DLGAP2: variants seen among roughly 807,000 people sequenced by gnomAD.
DLGAP2 encodes the protein DLG associated protein 2, also known as disks large-associated protein 2.
A neutral mutation model predicts 100.3 loss-of-function variants in DLGAP2; 26 were observed. The observed-to-expected ratio is 0.26, with a 90% CI of 0.19 to 0.36. The LOEUF (loss-of-function observed/expected upper bound fraction) is 0.36. Ranked by LOEUF, DLGAP2 falls within the 10% of genes least tolerant of loss-of-function variation. DLGAP2 has a pLI of 1.00. For missense variants in DLGAP2, 1,858 were observed against 1,453.2 expected (o/e 1.28, Z -4.53); for synonymous variants, 886 against 630.1 (o/e 1.41, Z -6.08).
chr8:1,529,949 G>C (rs1447854299), intron 4 of DLGAP2, among the ~76,000 whole-genome samples: 1 of 152,178 alleles, frequency 6.6e-6, no homozygotes, highest in African/African-American at 2.4e-5. Flanking sequence ...GTGGGTCACA[G>C]ACATCAAGTA....
At chr8:1,041,305 C>T (rs572573090) in intron 2 of DLGAP2, among the ~76,000 whole-genome samples, 21 of 152,220 alleles carry the variant, frequency 1.4e-4, no homozygotes, top group African/African-American at 4.6e-4. Context: ...GCGTGGAGAT[C>T]GCCCCTCGCA....
Position 816,065 on chromosome 8 carries a change from T to G in DLGAP2, c.18+78240T>G, listed in dbSNP as rs1796470949. Among the ~76,000 whole-genome samples, 5 of 152,200 alleles carry G rather than the reference T, an allele frequency of 3.3e-5. No homozygotes were observed. In the South Asian group the frequency reaches 1.0e-3, roughly 31 times the overall value. The stretch of plus-strand genomic sequence containing the variant: ...TTTGATGTCCATTTGCATGGAGTAT[T>G]TCTTCCACCCCTTTATTTTAAGTTT... On this transcript the variant is annotated intron_variant, in intron 1 of 14. Coordinates refer to ENST00000637795, the MANE Select transcript of DLGAP2 (RefSeq NM_001346810.2).
intron 2 of DLGAP2, among the ~76,000 whole-genome samples, chr8:1,074,806 G>T (rs1476116483): frequency 6.6e-6 from 1 of 152,180 alleles, no homozygotes; most frequent in Non-Finnish European, 1.5e-5. Flanking sequence ...ACTTGATGCA[G>T]GTCCAAGAAA....
chr8:1,541,061 T>A (rs189433352), intron 4 of DLGAP2, among the ~76,000 whole-genome samples: 29 of 152,276 alleles, frequency 1.9e-4, no homozygotes, highest in African/African-American at 6.5e-4. Flanking sequence ...CTCAAGAGCA[T>A]CAGAGTACTT....
chr8:1,537,334 G>C (rs966066905), intron 4 of DLGAP2, among the ~76,000 whole-genome samples: 5 of 152,168 alleles, frequency 3.3e-5, no homozygotes, highest in African/African-American at 1.2e-4. Flanking sequence ...GTGAGTGTGT[G>C]TTGGGGTGGA....
chr8:1,306,106 A>G (rs1254587650), intron 3 of DLGAP2, among the ~76,000 whole-genome samples: 1 of 150,932 alleles, frequency 6.6e-6, no homozygotes, highest in Non-Finnish European at 1.5e-5. Flanking sequence ...AGAGGGAGAA[A>G]AAATAGAAAA....
chr8:1,116,143 A>G (rs1205154471), intron 2 of DLGAP2, among the ~76,000 whole-genome samples: 4 of 152,314 alleles, frequency 2.6e-5, no homozygotes, highest in East Asian at 3.9e-4. Flanking sequence ...GCGGTACGCA[A>G]TCCCATCCCC....
intron 2 of DLGAP2, among the ~76,000 whole-genome samples, chr8:1,152,322 T>G (rs192370706): frequency 1.3e-5 from 2 of 152,348 alleles, no homozygotes; most frequent in Admixed American, 1.3e-4. Flanking sequence ...ATGTAAATTG[T>G]GAGGTAGTGT....
At chr8:1,632,592 C>G (rs908119002) in intron 7 of DLGAP2, among the ~76,000 whole-genome samples, 1 of 152,156 alleles carries the variant, frequency 6.6e-6, no homozygotes, top group African/African-American at 2.4e-5. Flanking sequence ...GCCTTGCGGT[C>G]CCCCAGAATT....
At chr8:1,296,809 C>T (rs571248693) in intron 3 of DLGAP2, among the ~76,000 whole-genome samples, 1 of 152,234 alleles carries the variant, frequency 6.6e-6, no homozygotes, top group Admixed American at 6.5e-5. Flanking sequence ...GGGTGCACAG[C>T]CGCACCGGAG....
In DLGAP2 at chr8:1,015,147, G is replaced by A. The variant is rs867751659; in HGVS notation, c.73+107181G>A. ...GACAGACGATGCCTCCACTGTGTGT[G>A]TGACCAGGACAGACGACGCCTCCAC... On this transcript the variant is annotated intron_variant, in intron 2 of 14. Coordinates refer to ENST00000637795, the MANE Select transcript of DLGAP2 (RefSeq NM_001346810.2). 7.3e-3 allele frequency among the ~76,000 whole-genome samples: 94 copies of A among 12,890 alleles called. 3 individuals carry two copies. The highest frequency in any genetic ancestry group is 0.018 in the East Asian group (16 of 890). The allele number at this position is 12,890 out of a possible 152,430, so 8.5% of individuals were successfully genotyped here. A position where few individuals can be genotyped will look rare whatever the true frequency, so the allele number is the denominator to read the frequency against.
intron 2 of DLGAP2, among the ~76,000 whole-genome samples, chr8:1,057,200 C>T (rs955456793): frequency 6.6e-6 from 1 of 152,198 alleles, no homozygotes; most frequent in Non-Finnish European, 1.5e-5. Context: ...AGATATGCAT[C>T]GGTTACTACA....
intron 1 of DLGAP2, among the ~76,000 whole-genome samples, chr8:801,047 G>A (rs1020035301): frequency 2.8e-5 from 4 of 141,496 alleles, no homozygotes; most frequent in African/African-American, 8.1e-5. Context: ...GAATCCTGTT[G>A]ATATTAACCT....
intron 2 of DLGAP2, among the ~76,000 whole-genome samples, chr8:909,802 A>G (rs1798449243): frequency 6.6e-6 from 1 of 152,214 alleles, no homozygotes; most frequent in Non-Finnish European, 1.5e-5. Context: ...CAGAATGGAA[A>G]GATGGGGAGA....
At chr8:839,999 G>A (rs1051620055) in intron 1 of DLGAP2, among the ~76,000 whole-genome samples, 1 of 149,434 alleles carries the variant, frequency 6.7e-6, no homozygotes, top group Non-Finnish European at 1.5e-5. Flanking sequence ...GTGCACGCCT[G>A]CACGTCTCCC....
Position 1,423,038 on chromosome 8 carries a change from T to C in DLGAP2, c.107-78328T>C, listed in dbSNP as rs557088166. The stretch of plus-strand genomic sequence containing the variant: ...ACATCAGGATACATGGTGCTCATCA[T>C]AGTGACATCAAAACAAAGGTGAAAA... On this transcript the variant is annotated intron_variant, in intron 3 of 14. Coordinates refer to ENST00000637795, the MANE Select transcript of DLGAP2 (RefSeq NM_001346810.2). Among the ~76,000 whole-genome samples the C allele has an allele frequency of 3.3e-4, 50 of 152,170 alleles. 1 individual carries two copies. Among genetic ancestry groups the C allele is most frequent in the Non-Finnish European group, 4.9e-4 (33 of 68,034 alleles).
chr8:880,615 C>T (rs924710793), intron 1 of DLGAP2, among the ~76,000 whole-genome samples: 2 of 147,184 alleles, frequency 1.4e-5, no homozygotes, highest in Non-Finnish European at 3.0e-5. Flanking sequence ...TGTGTGTCCC[C>T]TCTCCAGCCC....
chr8:997,899 C>T (rs140717703), intron 2 of DLGAP2, among the ~76,000 whole-genome samples: 2 of 149,904 alleles, frequency 1.3e-5, no homozygotes, highest in Non-Finnish European at 2.9e-5. Flanking sequence ...AACACCCATG[C>T]ACATGCATGC....
chr8:882,736 C>G (rs1283858137), intron 1 of DLGAP2, among the ~76,000 whole-genome samples: 1 of 150,636 alleles, frequency 6.6e-6, no homozygotes, highest in Non-Finnish European at 1.5e-5. Flanking sequence ...TGCGCGCACC[C>G]TCGCCTGATC....
Sources: gnomAD v4.1 joint callset for allele counts (sites outside exome capture counted in the v4.1 genomes callset) on GRCh38, gnomAD v4.1.1 for gene constraint, MANE v1.5 for transcripts, NCBI Gene and HGNC (gene_info 2026-07-23, HGNC 2026-07-21) for gene names.